The following ZNF610 variants were observed in gnomAD, a reference collection of about 807,000 sequenced individuals.
The protein encoded by ZNF610 is zink finger protein.
In ZNF610, 14 loss-of-function variants were observed where a neutral mutation model predicts 14.1. That is an observed-to-expected ratio of 0.99 (90% CI 0.65 to 1.55). The LOEUF (loss-of-function observed/expected upper bound fraction) is 1.55, where lower values mean the gene tolerates loss of function less well. ZNF610 is among the 40% of genes most tolerant of loss of function. The probability of loss-of-function intolerance (pLI) is 0.00; values close to 1 mark genes in which losing one functional copy is unlikely to be tolerated. For synonymous variants in ZNF610, 185 were observed against 187.6 expected, an observed-to-expected ratio of 0.99 and a Z score of 0.11; for missense variants, 530 against 558.0, an observed-to-expected ratio of 0.95 and a Z score of 0.51.
At chr19:52,347,192 A>T (rs1251791604) in intron 1 of ZNF610, 1 of 152,246 alleles carries the variant, frequency 6.6e-6, no homozygotes, top group Non-Finnish European at 1.5e-5. Context: ...TTCCAGTGGG[A>T]CAAGATGTGG....
chr19:52,340,981 T>C (rs1021894863), intron 1 of ZNF610, among the ~76,000 whole-genome samples: 3 of 152,072 alleles, frequency 2.0e-5, no homozygotes, highest in Non-Finnish European at 2.9e-5. Context: ...GCTCCTGGCC[T>C]AGGGAATTAT....
intron 1 of ZNF610, among the ~76,000 whole-genome samples, chr19:52,340,828 A>C (rs967082965): frequency 2.0e-5 from 3 of 151,964 alleles, no homozygotes; most frequent in Non-Finnish European, 4.4e-5. Context: ...CTACAGGCAC[A>C]CGCCACCACG....
chr19:52,359,806 TC>T (rs1269478736), intron 5 of ZNF610, among the ~76,000 whole-genome samples: 2 of 152,144 alleles, frequency 1.3e-5, no homozygotes, highest in Non-Finnish European at 2.9e-5. Context: ...TTCCCCCATT[TC>T]CCACCAGTTA....
At chr19:52,331,646 G>A (rs531264234), upstream of ZNF610, among the ~76,000 whole-genome samples, 10 of 152,228 alleles carry the variant, frequency 6.6e-5, no homozygotes, top group South Asian at 4.1e-4. Context: ...CCCTTGCACC[G>A]GGCTCCTTGA....
chr19:52,346,874 C>T (rs1984986385), intron 1 of ZNF610, among the ~76,000 whole-genome samples: 1 of 151,944 alleles, frequency 6.6e-6, no homozygotes, highest in African/African-American at 2.4e-5. Context: ...GGACTACAAG[C>T]CTGTGCCACC....
intron 3 of ZNF610, among the ~76,000 whole-genome samples, chr19:52,352,332 A>G (rs561438272): frequency 3.7e-4 from 57 of 152,162 alleles, no homozygotes; most frequent in African/African-American, 1.3e-3. Flanking sequence ...TCTGTCTCGC[A>G]GGTTCAAGCA....
rs1026611353 is a variant in ZNF610 at position 52,347,902 on chromosome 19, G to C, written c.-62G>C. On this transcript the variant is annotated 5_prime_UTR_variant, in exon 2 of 6. Transcript: ENST00000403906. ...CACATTCGGTCACCACACACTCACT[G>C]ACTCATCCAGAGCAATTTCTAGTCC... 3 of 152,284 alleles carry C rather than the reference G, an allele frequency of 2.0e-5. No homozygotes were observed. Among genetic ancestry groups the C allele is most frequent in the East Asian group, 1.9e-4 (1 of 5,180 alleles). The allele number at this position is 152,284 out of a possible 1,614,324, so 9.4% of individuals were successfully genotyped here. A position where few individuals can be genotyped will look rare whatever the true frequency, so the allele number is the denominator to read the frequency against.
At chr19:52,333,135 A>G (rs28564550), upstream of ZNF610, among the ~76,000 whole-genome samples, 2,526 of 152,348 alleles carry the variant, frequency 0.017, 73 homozygotes, top group African/African-American at 0.054. Context: ...CACTACAGCT[A>G]TCAGTCCCTG....
chr19:52,364,702 C>CA (rs1985935828), intron 5 of ZNF610, among the ~76,000 whole-genome samples: 1 of 152,236 alleles, frequency 6.6e-6, no homozygotes, highest in African/African-American at 2.4e-5. Flanking sequence ...CTCAGCCTTC[C>CA]AAGTAGCTGG....
intron 5 of ZNF610, among the ~76,000 whole-genome samples, chr19:52,361,247 C>T (rs1044493622): frequency 3.3e-5 from 5 of 151,162 alleles, no homozygotes; most frequent in East Asian, 2.0e-4. Context: ...GGCGCGATCT[C>T]GGCTCACTGC....
upstream of ZNF610, among the ~76,000 whole-genome samples, chr19:52,333,578 C>T (rs565774037): frequency 6.6e-6 from 1 of 152,290 alleles, no homozygotes; most frequent in East Asian, 1.9e-4. Flanking sequence ...CTGTTGTTAC[C>T]TCTCTTCTAT....
At chr19:52,344,003 A>G (rs908542910) in intron 1 of ZNF610, 20 of 152,062 alleles carry the variant, frequency 1.3e-4, no homozygotes, top group African/African-American at 4.3e-4. Context: ...TGGGAATCCA[A>G]CCACATTCTC....
chr19:52,349,040 G>A lies in ZNF610; in HGVS notation c.-19-114G>A. Reference sequence around the variant, plus strand: ...GTCCCTGCATCAACTCTGGTGCAGTGGGCAACAGAGGACATCTTTCCGCAG... The same window carrying A: ...GTCCCTGCATCAACTCTGGTGCAGTAGGCAACAGAGGACATCTTTCCGCAG... On this transcript the variant is annotated intron_variant, in intron 2 of 5. Transcript: ENST00000403906. The A allele has an allele frequency of 8.7e-6, 6 of 690,324 alleles. No homozygotes were observed. In the South Asian group the frequency reaches 1.1e-4, roughly 13 times the overall value. The allele number at this position is 690,324 out of a possible 1,614,324, so 42.8% of individuals were successfully genotyped here. A position where few individuals can be genotyped will look rare whatever the true frequency, so the allele number is the denominator to read the frequency against.
chr19:52,357,292 G>A (rs556879553), intron 5 of ZNF610, among the ~76,000 whole-genome samples: 1 of 152,082 alleles, frequency 6.6e-6, no homozygotes, highest in East Asian at 1.9e-4. Context: ...TGAGGTGGGC[G>A]CATTACTTGA....
upstream of ZNF610, among the ~76,000 whole-genome samples, chr19:52,336,027 G>T (rs1037502599): frequency 2.0e-5 from 3 of 152,008 alleles, no homozygotes; most frequent in African/African-American, 4.8e-5. Flanking sequence ...CACCACGGCC[G>T]GCTTAAAATT....
At chr19:52,341,350 A>G (rs962458651) in intron 1 of ZNF610, among the ~76,000 whole-genome samples, 12 of 152,054 alleles carry the variant, frequency 7.9e-5, no homozygotes, top group Non-Finnish European at 1.3e-4. Flanking sequence ...TCGCTTTGTC[A>G]TCAGGCTGGA....
At chr19:52,346,053 T>C (rs1334870103) in intron 1 of ZNF610, among the ~76,000 whole-genome samples, 3 of 151,038 alleles carry the variant, frequency 2.0e-5, no homozygotes, top group Admixed American at 1.3e-4. Flanking sequence ...GGCTGGAATG[T>C]AGTAGTGTGA....
upstream of ZNF610, among the ~76,000 whole-genome samples, chr19:52,331,466 A>G (rs1454581549): frequency 6.6e-6 from 1 of 152,196 alleles, no homozygotes; most frequent in African/African-American, 2.4e-5. Flanking sequence ...GGTGGCCTGG[A>G]CAGGATCCTG....
chr19:52,364,981 C>T (rs113165261), intron 5 of ZNF610, among the ~76,000 whole-genome samples: 2,461 of 152,270 alleles, frequency 0.016, 48 homozygotes, highest in African/African-American at 0.051. Flanking sequence ...CACGGTGGCT[C>T]ACGCCTGTAA....
Sources: allele counts gnomAD v4.1 joint callset (sites outside exome capture counted in the v4.1 genomes callset), GRCh38; gene constraint gnomAD v4.1.1; transcripts MANE v1.5; gene names NCBI Gene and HGNC (gene_info 2026-07-23, HGNC 2026-07-21).